The following PTPRT variants were observed in gnomAD, a reference collection of about 807,000 sequenced individuals.
PTPRT encodes receptor-type tyrosine-protein phosphatase T.
Under a neutral mutation model 176.8 loss-of-function variants are expected in PTPRT, and 56 were observed. That is an observed-to-expected ratio of 0.32 (90% confidence interval 0.26 to 0.40). The LOEUF (loss-of-function observed/expected upper bound fraction) is 0.40, where lower values mean the gene tolerates loss of function less well. Among genes scored for constraint, PTPRT ranks in the 10% least tolerant of loss-of-function variants. The pLI, the probability that PTPRT is intolerant of heterozygous loss-of-function variation, is 1.00. For missense variants in PTPRT, 1,540 were observed against 1,908.2 expected (o/e 0.81, Z 3.60); for synonymous variants, 783 against 739.0 (o/e 1.06, Z -0.96).
rs1600745398 is a variant in PTPRT at position 42,792,594 on chromosome 20, G to A, written c.215-1128C>T. 4.6e-5 allele frequency among the ~76,000 whole-genome samples: 7 copies of A among 152,170 alleles called. No homozygotes were observed. The South Asian group carries it at 1.4e-3, about 32-fold the overall frequency. On this transcript the variant is annotated intron_variant, in intron 2 of 30. Transcript: ENST00000373187. ...GTCTTATGATTCTATGAAATAAACT[G>A]CATCATGGAACACTGCAGATAAACT...
Position 42,102,245 on chromosome 20 carries a change from AG to A in PTPRT, c.3592del (p.Leu1198SerfsTer39). The A allele has an allele frequency of 6.2e-7, 1 of 1,614,172 alleles. No individual in the cohort carries two copies. The highest frequency in any genetic ancestry group is 8.5e-7 in the Non-Finnish European group (1 of 1,180,032). On this transcript the variant is annotated frameshift_variant, in exon 26 of 31. Transcript: ENST00000373187. LOFTEE classifies it high-confidence loss of function. ...ATTCTTATCATGGTTCCGGGGCAGG[AG>A]CCCAATGCTGCAGTCCTCGGGCCGC... Reference protein sequence around the residue: ...RVRPEDCSIGLLPRNHDKNRS... With the variant: ...RVRPEDCSIGXLPRNHDKNRS...
At chr20:42,125,019 C>T (rs1279729021) in intron 19 of PTPRT, among the ~76,000 whole-genome samples, 3 of 152,156 alleles carry the variant, frequency 2.0e-5, no homozygotes, top group Non-Finnish European at 4.4e-5. Context: ...CCTGCCAGGT[C>T]TCCATGCCTT....
At chr20:42,153,630 C>G (rs1034387624) in intron 17 of PTPRT, among the ~76,000 whole-genome samples, 1 of 152,194 alleles carries the variant, frequency 6.6e-6, no homozygotes, top group Non-Finnish European at 1.5e-5. Flanking sequence ...GAATCTCACA[C>G]GAGGGTACCT....
chr20:42,595,993 A>G (rs1429298865), intron 7 of PTPRT, among the ~76,000 whole-genome samples: 2 of 152,204 alleles, frequency 1.3e-5, no homozygotes, highest in Non-Finnish European at 2.9e-5. Context: ...CAAATAAACT[A>G]CAACAAAGAG....
intron 8 of PTPRT, among the ~76,000 whole-genome samples, chr20:42,454,246 T>C (rs1488820245): frequency 6.6e-6 from 1 of 152,194 alleles, no homozygotes; most frequent in African/African-American, 2.4e-5. Flanking sequence ...TTCTACCGTA[T>C]ATGAACAGTA....
chr20:42,808,688 G>T (rs1159685168), intron 2 of PTPRT, among the ~76,000 whole-genome samples: 7 of 152,278 alleles, frequency 4.6e-5, no homozygotes, highest in Admixed American at 1.3e-4. Context: ...TAATCTGGAT[G>T]CGTCAAGTAG....
intron 11 of PTPRT, among the ~76,000 whole-genome samples, chr20:42,342,414 T>C (rs2058125642): frequency 6.6e-6 from 1 of 152,220 alleles, no homozygotes; most frequent in Non-Finnish European, 1.5e-5. Flanking sequence ...GGGTATCTCT[T>C]ATCCATGTCC....
In PTPRT at chr20:42,161,382, G is replaced by C. The variant is rs756316137; in HGVS notation, c.2652C>G (p.Gly884=). The C allele has an allele frequency of 1.2e-6, 2 of 1,614,068 alleles. No homozygotes were observed. The highest frequency in any genetic ancestry group is 1.7e-6 in the Non-Finnish European group (2 of 1,180,026). Residue 884 remains glycine (G), a synonymous_variant, in exon 17 of 31, where the codon GGC becomes GGG. Transcript: ENST00000373187. ...ATTCCTCCTTGAACCCGTAGCCCTG[G>C]CCTCTCTTCATCTGCGTGATGTGCT... is the stretch of plus-strand genomic sequence containing the variant. ...LLQHITQMKR[G]QGYGFKEEYE...
At chr20:42,531,220 G>T (rs1253507497) in intron 7 of PTPRT, among the ~76,000 whole-genome samples, 1 of 152,126 alleles carries the variant, frequency 6.6e-6, no homozygotes, top group Non-Finnish European at 1.5e-5. Context: ...GAAATGTTTT[G>T]CAATGAGTTA....
At chr20:42,615,709 G>C (rs1462670276) in intron 7 of PTPRT, among the ~76,000 whole-genome samples, 1 of 124,196 alleles carries the variant, frequency 8.1e-6, no homozygotes, top group Non-Finnish European at 1.6e-5. Context: ...ATTTTTTCAT[G>C]TGTTTTTTGG....
intron 16 of PTPRT, among the ~76,000 whole-genome samples, chr20:42,192,293 A>G (rs573492801): frequency 1.3e-5 from 2 of 152,248 alleles, no homozygotes; most frequent in East Asian, 3.9e-4. Flanking sequence ...CTTTACAAAG[A>G]GTTTACCACC....
At chr20:42,113,316 C>T (rs997788739) in intron 22 of PTPRT, among the ~76,000 whole-genome samples, 2 of 152,230 alleles carry the variant, frequency 1.3e-5, no homozygotes, top group African/African-American at 2.4e-5. Context: ...CTGCCCGTGT[C>T]GCCAGTCACT....
At chr20:42,716,232 G>A (rs1232751745) in intron 6 of PTPRT, among the ~76,000 whole-genome samples, 1 of 151,854 alleles carries the variant, frequency 6.6e-6, no homozygotes, top group South Asian at 2.1e-4. Context: ...AAAAATAATT[G>A]CTATTTAAAA....
chr20:42,984,353 T>A (rs986386577), intron 1 of PTPRT, among the ~76,000 whole-genome samples: 1 of 152,214 alleles, frequency 6.6e-6, no homozygotes, highest in African/African-American at 2.4e-5. Flanking sequence ...ACATGCCAGT[T>A]AAAAAGGCTC....
At chr20:42,900,756 T>G (rs1007048836) in intron 1 of PTPRT, among the ~76,000 whole-genome samples, 2 of 152,132 alleles carry the variant, frequency 1.3e-5, no homozygotes, top group Non-Finnish European at 2.9e-5. Flanking sequence ...TTGGAACATG[T>G]CCGGGGTCCA....
chr20:42,829,773 T>C lies in PTPRT; in HGVS notation c.215-38307A>G, dbSNP rs189880946. Among the ~76,000 whole-genome samples the C allele has an allele frequency of 7.9e-3, 1,204 of 152,252 alleles. 16 individuals are homozygous for C. Among genetic ancestry groups the C allele is most frequent in the African/African-American group, 0.028 (1,156 of 41,554 alleles). On this transcript the variant is annotated intron_variant, in intron 2 of 30. Transcript: ENST00000373187. Reference sequence around the variant, plus strand: ...AGAAATGACAGAGGGGATATTACCATTGACTCCACAGAAATAAAAATTATC... The same window carrying C: ...AGAAATGACAGAGGGGATATTACCACTGACTCCACAGAAATAAAAATTATC...
intron 11 of PTPRT, among the ~76,000 whole-genome samples, chr20:42,333,141 T>C (rs2057991845): frequency 6.6e-6 from 1 of 152,178 alleles, no homozygotes; most frequent in Non-Finnish European, 1.5e-5. Context: ...TATGTATCTA[T>C]GTGATACTGG....
chr20:42,073,046 C>T lies in PTPRT; in HGVS notation c.*7833G>A, dbSNP rs529674046. 15 of 219,604 alleles carry T rather than the reference C, an allele frequency of 6.8e-5. No homozygotes were observed. The East Asian group carries it at 8.0e-4, about 12-fold the overall frequency. 13.6% of individuals were successfully genotyped at this position (219,604 alleles called of 1,614,324 possible). ...ATTTATTTTGTTTTCTCTTCTCATA[C>T]GTGCTTTATCTATCAAACACCCAAA... On this transcript the variant is annotated 3_prime_UTR_variant, in exon 31 of 31. Coordinates refer to ENST00000373187, the MANE Select transcript of PTPRT (RefSeq NM_007050.6).
chr20:42,437,879 G>A (rs1276964453), intron 9 of PTPRT, among the ~76,000 whole-genome samples: 2 of 152,200 alleles, frequency 1.3e-5, no homozygotes, highest in African/African-American at 2.4e-5. Flanking sequence ...AGAAGCGAAA[G>A]AGCCAGTTAA....
Sources: gnomAD v4.1 joint callset for allele counts (sites outside exome capture counted in the v4.1 genomes callset) on GRCh38, gnomAD v4.1.1 for gene constraint, MANE v1.5 for transcripts, NCBI Gene and HGNC (gene_info 2026-07-23, HGNC 2026-07-21) for gene names.